ADD2: variants seen among roughly 807,000 people sequenced by gnomAD.
The protein encoded by ADD2 is adducin 2.
Under a neutral mutation model 83.0 loss-of-function variants are expected in ADD2, and 23 were observed. That is an observed-to-expected ratio of 0.28 (90% confidence interval 0.20 to 0.39). The LOEUF (loss-of-function observed/expected upper bound fraction) is 0.39. Among genes scored for constraint, ADD2 ranks in the 10% least tolerant of loss-of-function variants. ADD2 has a pLI of 1.00. For synonymous variants in ADD2, 375 were observed against 375.4 expected (o/e 1.00, Z 0.01); for missense variants, 758 against 944.9 (o/e 0.80, Z 2.59).
intron 15 of ADD2, among the ~76,000 whole-genome samples, chr2:70,664,427 A>C (rs1675674014): frequency 6.6e-6 from 1 of 152,114 alleles, no homozygotes; most frequent in South Asian, 2.1e-4. Flanking sequence ...CCAGAAACCA[A>C]ACCCTCCTGC....
chr2:70,663,761 CT>C, intron 15 of ADD2, 26 bp from the exon 16 acceptor site: 1 of 1,596,108 alleles, frequency 6.3e-7, no homozygotes, highest in Non-Finnish European at 8.5e-7. Context: ...AAGATATGAC[CT>C]GTAAGATTTC....
rs782384051 is a variant in ADD2, at chr2:70,676,703, G to GCACCC, written c.1593+92_1593+93insGGGTG. On this transcript the variant is annotated intron_variant, in intron 13 of 15. Transcript: ENST00000264436. This position sits in a 1 kb window ranked among gnomAD's most constrained non-coding sequence, Gnocchi z 4.8. The stretch of plus-strand genomic sequence containing the variant: ...CAAGATCACAGGGGAAGGTGGGTAT[G>GCACCC]AGGACTCAGGGGTCCTGCAACCCAG... 1 of 1,569,938 alleles carries GCACCC rather than the reference G, an allele frequency of 6.4e-7. No homozygotes were observed. Among genetic ancestry groups the GCACCC allele is most frequent in the African/African-American group, 1.4e-5 (1 of 73,706 alleles).
rs781843008 is a variant in ADD2 at position 70,683,704 on chromosome 2, G to A, written c.1012C>T (p.Arg338Trp). The change falls in exon 10 of 16, where the codon CGG becomes TGG. Residue 338 changes from arginine (R) to tryptophan (W), a missense_variant. This residue lies in a region of ADD2 where 394 missense variants were observed against 509.3 expected (regional missense o/e 0.77). Transcript: ENST00000264436. Reference protein sequence around the residue: ...NLILLEQEKHRPHEVGSVQWA... With the variant: ...NLILLEQEKHWPHEVGSVQWA... Reference sequence around the variant, plus strand: ...TGCACGGAGCCCACCTCATGGGGCCGGTGCTTCTCCTGCTCCAGGAGGATG... The same window carrying A: ...TGCACGGAGCCCACCTCATGGGGCCAGTGCTTCTCCTGCTCCAGGAGGATG... The A allele has an allele frequency of 8.7e-6, 14 of 1,614,128 alleles. No individual in the cohort carries two copies. The highest frequency in any genetic ancestry group is 1.6e-4 in the Middle Eastern group (1 of 6,062).
chr2:70,767,403 G>T (rs1019226645), intron 1 of ADD2: 6 of 158,930 alleles, frequency 3.8e-5, no homozygotes, highest in Non-Finnish European at 1.4e-5. Flanking sequence ...GCGGCTGAGC[G>T]CCGCGCAGCC....
chr2:70,706,515 G>T lies in ADD2; in HGVS notation c.-34-73C>A. ...GGGGTACACGTTTCTCAGAGCACAG[G>T]GCTAGGTTCAGTTGGATTCTCAGTG... On this transcript the variant is annotated intron_variant, in intron 2 of 15. Coordinates refer to ENST00000264436, the MANE Select transcript of ADD2 (RefSeq NM_001617.4). This position sits in a 1 kb window ranked among gnomAD's most constrained non-coding sequence, Gnocchi z 5.0. The T allele has an allele frequency of 7.3e-7, 1 of 1,365,628 alleles. No individual in the cohort carries two copies. Among genetic ancestry groups the T allele is most frequent in the Non-Finnish European group, 9.9e-7 (1 of 1,012,268 alleles). The allele number at this position is 1,365,628 out of a possible 1,614,324, so 84.6% of individuals were successfully genotyped here. A position where few individuals can be genotyped will look rare whatever the true frequency, so the allele number is the denominator to read the frequency against.
intron 1 of ADD2, among the ~76,000 whole-genome samples, chr2:70,766,792 T>C (rs1002091926): frequency 6.6e-6 from 1 of 152,190 alleles, no homozygotes; most frequent in Non-Finnish European, 1.5e-5. Context: ...TTGATTTCTA[T>C]TATCGATAAA....
Position 70,658,151 on chromosome 2 carries a change from A to C in ADD2, c.*5274T>G, listed in dbSNP as rs1223097975. On this transcript the variant is annotated 3_prime_UTR_variant, in exon 16 of 16. Coordinates refer to ENST00000264436, the MANE Select transcript of ADD2 (RefSeq NM_001617.4). ...TAATTGTTCCTAAGATGAAAAGCCTACATTCTCAAGGGAATTGTCTCTATA... is the reference window on the plus strand; with the variant it reads ...TAATTGTTCCTAAGATGAAAAGCCTCCATTCTCAAGGGAATTGTCTCTATA... The C allele has an allele frequency of 1.3e-5, 2 of 152,210 alleles. No individual in the cohort carries two copies. Among genetic ancestry groups the C allele is most frequent in the African/African-American group, 4.8e-5 (2 of 41,456 alleles). 9.4% of individuals were successfully genotyped at this position (152,210 alleles called of 1,614,324 possible).
chr2:70,730,452 G>T (rs148015607), intron 1 of ADD2, among the ~76,000 whole-genome samples: 234 of 152,322 alleles, frequency 1.5e-3, no homozygotes, highest in African/African-American at 5.4e-3. Flanking sequence ...ACACACACCT[G>T]TTATGTCCTG....
intron 1 of ADD2, among the ~76,000 whole-genome samples, chr2:70,729,560 G>A (rs781976149): frequency 2.6e-5 from 4 of 151,966 alleles, no homozygotes; most frequent in Non-Finnish European, 4.4e-5. Flanking sequence ...AAAGACTCAC[G>A]GGTACTTAGT....
intron 2 of ADD2, among the ~76,000 whole-genome samples, chr2:70,712,860 C>T (rs542262013): frequency 6.1e-4 from 93 of 152,284 alleles, no homozygotes; most frequent in African/African-American, 1.9e-3. Flanking sequence ...TGCTGAACCA[C>T]GGGCAGGTGG....
chr2:70,658,439 T>C lies in ADD2; in HGVS notation c.*4986A>G, dbSNP rs968707749. ...AGTGGAAATGTGCACAGATAACCAATGTGCACATTTCATGAGTTTACAGTC... is the reference window on the plus strand; with the variant it reads ...AGTGGAAATGTGCACAGATAACCAACGTGCACATTTCATGAGTTTACAGTC... On this transcript the variant is annotated 3_prime_UTR_variant, in exon 16 of 16. Coordinates refer to ENST00000264436, the MANE Select transcript of ADD2 (RefSeq NM_001617.4). 1.3e-5 allele frequency: 2 copies of C among 152,226 alleles called. No homozygotes were observed. The highest frequency in any genetic ancestry group is 1.3e-4 in the Admixed American group (2 of 15,288). The allele number at this position is 152,226 out of a possible 1,614,324, so 9.4% of individuals were successfully genotyped here.
chr2:70,684,977 C>G (rs564077774), intron 9 of ADD2, among the ~76,000 whole-genome samples: 2 of 152,268 alleles, frequency 1.3e-5, no homozygotes, highest in Admixed American at 1.3e-4. Flanking sequence ...CCTCATGTAT[C>G]TACCACTCAG....
At chr2:70,724,906 G>A (rs1348137835) in intron 1 of ADD2, among the ~76,000 whole-genome samples, 3 of 152,180 alleles carry the variant, frequency 2.0e-5, no homozygotes, top group Non-Finnish European at 4.4e-5. Flanking sequence ...TTGCACCCAA[G>A]CCTCTCCAGA....
rs558066490 is a variant in ADD2, at chr2:70,768,014, A to G, written c.-282T>C. The G allele has an allele frequency of 9.3e-6, 14 of 1,511,778 alleles. No homozygotes were observed. Among genetic ancestry groups the G allele is most frequent in the East Asian group, 2.5e-5 (1 of 40,662 alleles). 93.6% of individuals were successfully genotyped at this position (1,511,778 alleles called of 1,614,324 possible). A position where few individuals can be genotyped will look rare whatever the true frequency, so the allele number is the denominator to read the frequency against. On this transcript the variant is annotated 5_prime_UTR_variant, in exon 1 of 16. It removes an upstream start codon present in the reference 5' UTR. Transcript: ENST00000264436. ...ATCTGCAGGGCAGCGTTTTCTGCCC[A>G]TGCTGCAGCCCGCGCTCGTCAGAGC... is the stretch of plus-strand genomic sequence containing the variant.
intron 10 of ADD2, among the ~76,000 whole-genome samples, chr2:70,681,416 GAC>G (rs781975341): frequency 6.6e-6 from 1 of 152,178 alleles, no homozygotes; most frequent in Non-Finnish European, 1.5e-5. Flanking sequence ...AGGAGGCTGA[GAC>G]AGGTGAGTCA....
intron 8 of ADD2, among the ~76,000 whole-genome samples, chr2:70,689,457 C>T (rs1553371124): frequency 6.6e-6 from 1 of 152,218 alleles, no homozygotes; most frequent in African/African-American, 2.4e-5. Context: ...GTATTTTTTC[C>T]TCTCAAGTGC....
At chr2:70,669,139 G>A (rs1450007965) in intron 15 of ADD2, among the ~76,000 whole-genome samples, 1 of 152,214 alleles carries the variant, frequency 6.6e-6, no homozygotes, top group Admixed American at 6.5e-5. Flanking sequence ...GAGCAGAGGG[G>A]AAGAAGAGCA....
At position 70,663,337 on chromosome 2, in the gene ADD2, C is replaced by T. The variant is rs1675609872; in HGVS notation, c.*88G>A. 2.1e-6 allele frequency: 3 copies of T among 1,428,478 alleles called. No individual in the cohort carries two copies. The highest frequency in any genetic ancestry group is 4.6e-5 in the East Asian group (2 of 43,930). 88.5% of individuals were successfully genotyped at this position (1,428,478 alleles called of 1,614,324 possible). On this transcript the variant is annotated 3_prime_UTR_variant, in exon 16 of 16. Coordinates refer to ENST00000264436, the MANE Select transcript of ADD2 (RefSeq NM_001617.4). ...TGGTCCAGGGTCCTACTCTATCCCT[C>T]CTTAGCCCTGTGCTTGCAGGGACAG...
chr2:70,683,781 C>G lies in ADD2; in HGVS notation c.949-14G>C. 6.2e-7 allele frequency: 1 copy of G among 1,602,816 alleles called. No homozygotes were observed. Among genetic ancestry groups the G allele is most frequent in the Non-Finnish European group, 8.5e-7 (1 of 1,171,178 alleles). On this transcript the variant is annotated splice_polypyrimidine_tract_variant and intron_variant, in intron 9 of 15. Coordinates refer to ENST00000264436, the MANE Select transcript of ADD2 (RefSeq NM_001617.4). ...CAGAGCCGACACCTGTAGCAAAGAGCAGAGAGCCCTCAGCCCATGTGCACA... is the reference window on the plus strand; with the variant it reads ...CAGAGCCGACACCTGTAGCAAAGAGGAGAGAGCCCTCAGCCCATGTGCACA...
Sources: gnomAD v4.1 joint callset for allele counts (sites outside exome capture counted in the v4.1 genomes callset) on GRCh38, gnomAD v4.1.1 for gene constraint, gnomAD v4.1.1 regional missense constraint, Gnocchi (gnomAD v3.1) non-coding constraint, MANE v1.5 for transcripts, NCBI Gene and HGNC (gene_info 2026-07-23, HGNC 2026-07-21) for gene names.